The following MAGI1 variants were observed in gnomAD, a reference collection of about 807,000 sequenced individuals.
MAGI1 encodes the protein membrane-associated guanylate kinase, WW and PDZ domain-containing protein 1.
MAGI1 carries 58 observed loss-of-function variants against 139.9 expected under a neutral mutation model. The ratio of observed to expected loss-of-function variants is 0.41; its 90% CI spans 0.34 to 0.52. The LOEUF is 0.52. Among genes scored for constraint, MAGI1 ranks in the 20% least tolerant of loss-of-function variants. The pLI is 0.12. For missense variants in MAGI1, 1,874 were observed against 1,901.6 expected (o/e 0.99, Z 0.27); for synonymous variants, 812 against 737.9 (o/e 1.10, Z -1.63).
intron 1 of MAGI1, among the ~76,000 whole-genome samples, chr3:65,708,129 A>G (rs1010888574): frequency 1.1e-4 from 16 of 152,204 alleles, no homozygotes; most frequent in African/African-American, 3.6e-4. Context: ...CTTTAGAATC[A>G]ACCTGACAAA....
intron 1 of MAGI1, among the ~76,000 whole-genome samples, chr3:66,015,153 G>C (rs914542870): frequency 7.5e-6 from 1 of 133,590 alleles, no homozygotes; most frequent in African/African-American, 2.9e-5. Flanking sequence ...GACCAGCCTA[G>C]GCAATACAGT....
At chr3:65,941,753 T>C (rs2063325530) in intron 1 of MAGI1, among the ~76,000 whole-genome samples, 1 of 152,332 alleles carries the variant, frequency 6.6e-6, no homozygotes, top group South Asian at 2.1e-4. Flanking sequence ...CCCAATGGCT[T>C]TCAGGCATTA....
At chr3:65,854,798 C>A (rs2108411116) in intron 1 of MAGI1, among the ~76,000 whole-genome samples, 2 of 152,332 alleles carry the variant, frequency 1.3e-5, no homozygotes, top group South Asian at 4.1e-4. Flanking sequence ...GGTGCAAAGC[C>A]ATGACAGATG....
intron 2 of MAGI1, among the ~76,000 whole-genome samples, chr3:65,529,131 T>TAA (rs869176072): frequency 0.011 from 484 of 46,014 alleles, no homozygotes; most frequent in African/African-American, 0.081. Flanking sequence ...TTTTTTAAAA[T>TAA]AAAAAAAAAA....
intron 1 of MAGI1, among the ~76,000 whole-genome samples, chr3:65,689,912 G>A (rs540965285): frequency 3.3e-5 from 5 of 152,256 alleles, no homozygotes; most frequent in Admixed American, 6.5e-5. Context: ...TTACCCTCCA[G>A]GCATACGTGT....
At chr3:65,440,931 TACACAC>T (rs1421304953) in intron 8 of MAGI1, among the ~76,000 whole-genome samples, 4 of 151,144 alleles carry the variant, frequency 2.6e-5, no homozygotes, top group Non-Finnish European at 5.9e-5. Flanking sequence ...CACACACATA[TACACAC>T]ACACAAGCAT....
chr3:65,589,422 T>C (rs929250342), intron 2 of MAGI1, among the ~76,000 whole-genome samples: 1 of 152,132 alleles, frequency 6.6e-6, no homozygotes, highest in Non-Finnish European at 1.5e-5. Context: ...CTTGGACCTC[T>C]TCCTCTCCCT....
chr3:65,407,150 T>C (rs1023752355), intron 12 of MAGI1, among the ~76,000 whole-genome samples: 5 of 151,930 alleles, frequency 3.3e-5, no homozygotes, highest in African/African-American at 1.2e-4. Context: ...TTTAAGATGA[T>C]AAAAAATGGA....
At chr3:65,462,477 T>C (rs535712050) in intron 5 of MAGI1, among the ~76,000 whole-genome samples, 2 of 152,324 alleles carry the variant, frequency 1.3e-5, no homozygotes, top group South Asian at 2.1e-4. Context: ...CATTGGTCTA[T>C]ATATCTGTTT....
At chr3:65,826,912 C>A (rs1213136802) in intron 1 of MAGI1, among the ~76,000 whole-genome samples, 2 of 152,176 alleles carry the variant, frequency 1.3e-5, no homozygotes, top group Non-Finnish European at 2.9e-5. Context: ...TTCATCCATT[C>A]TAATAGCACT....
At chr3:65,868,159 C>T (rs141236914) in intron 1 of MAGI1, among the ~76,000 whole-genome samples, 103 of 152,238 alleles carry the variant, frequency 6.8e-4, no homozygotes, top group Middle Eastern at 3.4e-3. Flanking sequence ...TTCCAGTTAC[C>T]TTTAAGAAAC....
chr3:65,816,502 G>C (rs2041609156), intron 1 of MAGI1, among the ~76,000 whole-genome samples: 1 of 152,114 alleles, frequency 6.6e-6, no homozygotes, highest in South Asian at 2.1e-4. Flanking sequence ...TTGATGAAAT[G>C]TGTCAACTGA....
At chr3:65,922,262 T>G (rs2108742661) in intron 1 of MAGI1, among the ~76,000 whole-genome samples, 1 of 152,230 alleles carries the variant, frequency 6.6e-6, no homozygotes, top group South Asian at 2.1e-4. Context: ...TATACCGGGG[T>G]TGAATAGCAT....
chr3:65,745,966 G>C (rs539321422), intron 1 of MAGI1, among the ~76,000 whole-genome samples: 31 of 152,286 alleles, frequency 2.0e-4, no homozygotes, highest in African/African-American at 7.5e-4. Context: ...CTGGCCTAAA[G>C]TGATCTACCC....
At chr3:66,037,873 C>T in intron 1 of MAGI1, 123 bp downstream of exon 1, 1 of 1,464,966 alleles carries the variant, frequency 6.8e-7, no homozygotes, top group Non-Finnish European at 9.1e-7. Context: ...CACCACAGGG[C>T]GCACGGCCTC....
intron 1 of MAGI1, among the ~76,000 whole-genome samples, chr3:65,849,916 C>T (rs1035867340): frequency 2.0e-5 from 3 of 152,164 alleles, no homozygotes; most frequent in Non-Finnish European, 4.4e-5. Flanking sequence ...CTAGATTCAA[C>T]TTTAAACTGC....
rs1461624841 is a variant in MAGI1, at chr3:65,544,386, C to G, written c.431-50755G>C. Among the ~76,000 whole-genome samples the G allele has an allele frequency of 3.9e-5, 6 of 152,002 alleles. No individual in the cohort carries two copies. The East Asian group carries it at 1.2e-3, about 29-fold the overall frequency. On this transcript the variant is annotated intron_variant, in intron 2 of 22. Transcript: ENST00000402939. ...CACACTGTGGGGAACTGGGGGATCT[C>G]AGAAAGAGGAGATTGCAAAGAACTT...
intron 2 of MAGI1, among the ~76,000 whole-genome samples, chr3:65,559,475 ATTACT>A (rs1302388144): frequency 6.6e-6 from 1 of 152,204 alleles, no homozygotes; most frequent in Non-Finnish European, 1.5e-5. Flanking sequence ...TTATCTACAT[ATTACT>A]TTAAATTTTT....
intron 2 of MAGI1, among the ~76,000 whole-genome samples, chr3:65,497,227 T>G (rs1479118623): frequency 6.6e-6 from 1 of 152,054 alleles, no homozygotes; most frequent in Admixed American, 6.6e-5. Flanking sequence ...AGATAAAATC[T>G]ACAGAGAGAG....
Sources: allele counts gnomAD v4.1 joint callset (sites outside exome capture counted in the v4.1 genomes callset), GRCh38; gene constraint gnomAD v4.1.1; transcripts MANE v1.5; gene names NCBI Gene and HGNC (gene_info 2026-07-23, HGNC 2026-07-21).